ZSCAN25: variants seen among roughly 807,000 people sequenced by gnomAD.
ZSCAN25 encodes the protein zinc finger and SCAN domain-containing protein 25.
A neutral mutation model predicts 38.7 loss-of-function variants in ZSCAN25; 27 were observed. The ratio of observed to expected loss-of-function variants is 0.70; its 90% CI spans 0.51 to 0.96. The LOEUF is 0.96. Ranked by LOEUF, ZSCAN25 falls within the 40% of genes least tolerant of loss-of-function variation. The pLI is 0.00. For synonymous variants in ZSCAN25, 273 were observed against 277.7 expected (o/e 0.98, Z 0.17); for missense variants, 637 against 705.9 (o/e 0.90, Z 1.11).
the ZSCAN25 span, among the ~76,000 whole-genome samples, chr7:99,698,080 C>CTGTT: frequency 0.75 from 113,531 of 151,714 alleles, 46,081 homozygotes; most frequent in Non-Finnish European, 0.91. Context: ...TAGCTCCCCT[C>CTGTT]TGGTAGAGTA....
At chr7:99,654,718 T>A in the ZSCAN25 span, among the ~76,000 whole-genome samples, 9 of 152,326 alleles carry the variant, frequency 5.9e-5, no homozygotes, top group South Asian at 2.1e-4. Flanking sequence ...AGTGTTCCTG[T>A]TTTCTCCACA....
At chr7:99,648,059 A>T in the ZSCAN25 span, 2 of 1,113,072 alleles carry the variant, frequency 1.8e-6, no homozygotes, top group Non-Finnish European at 2.2e-6. Flanking sequence ...AGGTAGTCCT[A>T]TGAGAAGCAG....
the ZSCAN25 span, chr7:99,650,159 C>T: frequency 1.9e-6 from 3 of 1,613,960 alleles, no homozygotes; most frequent in Non-Finnish European, 2.5e-6. Flanking sequence ...AACCTCATGC[C>T]AATGCAGTTT....
the ZSCAN25 span, among the ~76,000 whole-genome samples, chr7:99,650,999 GAA>G: frequency 3.8e-4 from 58 of 152,316 alleles, no homozygotes; most frequent in African/African-American, 1.2e-3. Flanking sequence ...TTGATTCAAA[GAA>G]AGTAATAATG....
chr7:99,664,529 T>G, the ZSCAN25 span, among the ~76,000 whole-genome samples: 2 of 152,094 alleles, frequency 1.3e-5, no homozygotes, highest in African/African-American at 4.8e-5. Context: ...GGAAAGAAAT[T>G]TGGGAAACTC....
the ZSCAN25 span, among the ~76,000 whole-genome samples, chr7:99,732,681 G>A: frequency 1.3e-5 from 2 of 152,150 alleles, no homozygotes; most frequent in African/African-American, 4.8e-5. Flanking sequence ...GGAAGAGGTA[G>A]CCAGCCATCA....
the ZSCAN25 span, among the ~76,000 whole-genome samples, chr7:99,675,742 G>A: frequency 8.4e-6 from 1 of 118,416 alleles, no homozygotes; most frequent in Admixed American, 9.3e-5. Flanking sequence ...TGACCAAGCT[G>A]GAGTGCAGTG....
Position 99,630,194 on chromosome 7 carries a change from A to T in ZSCAN25, c.*174A>T, listed in dbSNP as rs569009126. 5.3e-5 allele frequency: 74 copies of T among 1,387,654 alleles called. 2 individuals are homozygous for T. The South Asian group carries it at 1.0e-3, about 19-fold the overall frequency. 86.0% of individuals were successfully genotyped at this position (1,387,654 alleles called of 1,614,324 possible). ...GCTTCCAGAGAGCATAGCTGCTTCC[A>T]TCTCTTACCCAAGTGGTGCTAAACA... On this transcript the variant is annotated 3_prime_UTR_variant, in exon 8 of 8. Coordinates refer to ENST00000394152, the MANE Select transcript of ZSCAN25 (RefSeq NM_145115.3).
At chr7:99,657,838 T>C in the ZSCAN25 span, among the ~76,000 whole-genome samples, 1 of 152,226 alleles carries the variant, frequency 6.6e-6, no homozygotes, top group Non-Finnish European at 1.5e-5. Context: ...CATTATGTAA[T>C]GGCCTTCTTT....
the ZSCAN25 span, among the ~76,000 whole-genome samples, chr7:99,726,787 T>G: frequency 6.6e-6 from 1 of 152,206 alleles, no homozygotes; most frequent in Admixed American, 6.5e-5. Flanking sequence ...CTCCTGCTCC[T>G]TCAACATTTA....
chr7:99,728,837 A>G, the ZSCAN25 span, among the ~76,000 whole-genome samples: 57 of 152,070 alleles, frequency 3.7e-4, no homozygotes, highest in Non-Finnish European at 6.9e-4. Context: ...AACTTTCTGT[A>G]GCCTTTCTAA....
the ZSCAN25 span, among the ~76,000 whole-genome samples, chr7:99,691,363 T>C: frequency 1.3e-5 from 2 of 152,038 alleles, no homozygotes; most frequent in African/African-American, 2.4e-5. Context: ...TTAATGGGTG[T>C]GGCACACCAA....
At chr7:99,637,930 A>C in the ZSCAN25 span, among the ~76,000 whole-genome samples, 2 of 152,234 alleles carry the variant, frequency 1.3e-5, no homozygotes, top group Non-Finnish European at 2.9e-5. Flanking sequence ...CGAAATAAAA[A>C]AAATCAATTA....
chr7:99,648,087 A>C, the ZSCAN25 span: 1 of 1,150,672 alleles, frequency 8.7e-7, no homozygotes, highest in East Asian at 4.2e-5. Flanking sequence ...GAGTCTACCT[A>C]TCTGTCACTT....
At chr7:99,643,455 T>C in the ZSCAN25 span, among the ~76,000 whole-genome samples, 5 of 152,144 alleles carry the variant, frequency 3.3e-5, no homozygotes, top group Non-Finnish European at 5.9e-5. Flanking sequence ...CATTTTTTTT[T>C]CCATGGGGCC....
At chr7:99,622,444 G>A in intron 5 of ZSCAN25, 105 bp from the exon 6 acceptor site, 1 of 1,017,976 alleles carries the variant, frequency 9.8e-7, no homozygotes, top group Non-Finnish European at 1.6e-6. Flanking sequence ...GGAGTCTTCT[G>A]GTTCCTGAGG....
the ZSCAN25 span, among the ~76,000 whole-genome samples, chr7:99,665,542 C>CT: frequency 6.6e-6 from 1 of 152,218 alleles, no homozygotes; most frequent in South Asian, 2.1e-4. Flanking sequence ...CTGAGTTAGA[C>CT]TCACCTCTGA....
intron 6 of ZSCAN25, 81 bp downstream of exon 6, chr7:99,622,721 A>G: frequency 1.5e-6 from 2 of 1,346,102 alleles, no homozygotes; most frequent in Non-Finnish European, 2.1e-6. Context: ...TCTGCACAAC[A>G]GTGTTCCCTT....
At chr7:99,625,027 T>A (rs1214236907) in intron 7 of ZSCAN25, among the ~76,000 whole-genome samples, 1 of 152,168 alleles carries the variant, frequency 6.6e-6, no homozygotes, top group Non-Finnish European at 1.5e-5. Context: ...CCACCTAGCC[T>A]TTCCTTATCC....
Sources: allele counts gnomAD v4.1 joint callset (sites outside exome capture counted in the v4.1 genomes callset), GRCh38; gene constraint gnomAD v4.1.1; transcripts MANE v1.5; gene names NCBI Gene and HGNC (gene_info 2026-07-23, HGNC 2026-07-21).